The following PDXDC1 variants were observed in gnomAD, a reference collection of about 807,000 sequenced individuals.
PDXDC1 encodes pyridoxal-dependent decarboxylase domain-containing protein 1.
In PDXDC1, 42 loss-of-function variants were observed where a neutral mutation model predicts 100.1. That is an observed-to-expected ratio of 0.42 (90% CI 0.33 to 0.54). The LOEUF (loss-of-function observed/expected upper bound fraction) is 0.54. PDXDC1 is among the 20% of genes least tolerant of loss of function. PDXDC1 has a pLI of 0.10. For synonymous variants in PDXDC1, 260 were observed against 371.7 expected (o/e 0.70, Z 3.46); for missense variants, 636 against 979.2 (o/e 0.65, Z 4.68).
In PDXDC1 at chr16:15,031,919, C is replaced by G; in HGVS notation, c.1571+13C>G. 1 of 1,584,240 alleles carries G rather than the reference C, an allele frequency of 6.3e-7. No individual in the cohort carries two copies. The highest frequency in any genetic ancestry group is 1.1e-5 in the South Asian group (1 of 88,348). ...TAGGGGTTGTCAGGTAAAGTCTTGG[C>G]CTGCCGCTTGATGTTGGAGACTTTT... On this transcript the variant is annotated intron_variant, in intron 17 of 22. Transcript: ENST00000396410.
At chr16:15,146,108 C>G in the PDXDC1 span, among the ~76,000 whole-genome samples, 2 of 152,150 alleles carry the variant, frequency 1.3e-5, no homozygotes, top group African/African-American at 2.4e-5. Flanking sequence ...CAGCGGTGCC[C>G]GGCCACTGTC....
intron 16 of PDXDC1, chr16:15,094,078 C>G (rs938684894): frequency 7.2e-6 from 10 of 1,392,726 alleles, no homozygotes; most frequent in South Asian, 6.2e-5. Context: ...TCCTTTCAAT[C>G]CGCTCCTCTA....
intron 16 of PDXDC1, among the ~76,000 whole-genome samples, chr16:15,062,512 G>A (rs145212985): frequency 0.019 from 2,868 of 152,294 alleles, 37 homozygotes; most frequent in Middle Eastern, 0.031. Flanking sequence ...CTTTATTACT[G>A]GATTCTAACT....
chr16:15,070,060 C>A lies in PDXDC1; in HGVS notation c.1399+40004C>A, dbSNP rs576826972. 137 of 1,472,556 alleles carry A rather than the reference C, an allele frequency of 9.3e-5. No individual in the cohort carries two copies. In the African/African-American group the frequency reaches 1.2e-3, roughly 13 times the overall value. The allele number at this position is 1,472,556 out of a possible 1,614,324, so 91.2% of individuals were successfully genotyped here. On this transcript the variant is annotated intron_variant, in intron 16 of 16. Coordinates refer to the PDXDC1 transcript ENST00000535621. The stretch of plus-strand genomic sequence containing the variant: ...AGGAAAATCCAGTCCAGCACTCCCA[C>A]AACACTGACCTTCTTTCAGGTTTCC...
chr16:15,067,715 T>C (rs1239758460), intron 16 of PDXDC1, among the ~76,000 whole-genome samples: 2 of 152,056 alleles, frequency 1.3e-5, no homozygotes, highest in Non-Finnish European at 2.9e-5. Context: ...CATCAAAGTA[T>C]AAAAACAATA....
At chr16:15,038,418 T>C, downstream of PDXDC1, 1 of 624,380 alleles carries the variant, frequency 1.6e-6, no homozygotes, top group Non-Finnish European at 2.8e-6. Context: ...TATCCCCATT[T>C]GATATACAAG....
intron 12 of PDXDC1, among the ~76,000 whole-genome samples, chr16:15,021,828 T>C (rs562432290): frequency 6.6e-6 from 1 of 152,408 alleles, no homozygotes; most frequent in Admixed American, 6.5e-5. Flanking sequence ...CTCATCCTCC[T>C]CTTCCTTCTC....
downstream of PDXDC1, among the ~76,000 whole-genome samples, chr16:15,140,503 AAAGAG>A (rs970580171): frequency 6.6e-6 from 1 of 151,980 alleles, no homozygotes; most frequent in African/African-American, 2.4e-5. Flanking sequence ...GGGAGGAAAG[AAAGAG>A]AAAACTCCAA....
chr16:14,995,723 C>T (rs1289993731), intron 1 of PDXDC1, among the ~76,000 whole-genome samples: 4 of 152,290 alleles, frequency 2.6e-5, no homozygotes, highest in African/African-American at 9.6e-5. Context: ...ATGGTACCAG[C>T]TCCTCCTTTT....
At position 14,975,166 on chromosome 16, in the gene PDXDC1, C is replaced by A. The variant is rs767775030; in HGVS notation, c.-34C>A. On this transcript the variant is annotated 5_prime_UTR_variant, in exon 1 of 23. Transcript: ENST00000396410. Reference sequence around the variant, plus strand: ...GGGCGCGGGAGGAGGAAGTAGAGCCCGGGACCGCCAGGCCACCACCGGCCG... The same window carrying A: ...GGGCGCGGGAGGAGGAAGTAGAGCCAGGGACCGCCAGGCCACCACCGGCCG... The A allele has an allele frequency of 6.8e-7, 1 of 1,461,284 alleles. No individual in the cohort carries two copies. Among genetic ancestry groups the A allele is most frequent in the Admixed American group, 2.9e-5 (1 of 34,686 alleles). The allele number at this position is 1,461,284 out of a possible 1,614,324, so 90.5% of individuals were successfully genotyped here. A position where few individuals can be genotyped will look rare whatever the true frequency, so the allele number is the denominator to read the frequency against.
At chr16:15,002,306 C>T (rs2151371194) in intron 4 of PDXDC1, among the ~76,000 whole-genome samples, 1 of 152,416 alleles carries the variant, frequency 6.6e-6, no homozygotes, top group African/African-American at 2.4e-5. Context: ...CTACCTCTAT[C>T]TCCCTACCAT....
intron 5 of PDXDC1, 57 bp downstream of exon 5, chr16:15,004,390 G>T: frequency 6.2e-7 from 1 of 1,601,506 alleles, no homozygotes; most frequent in East Asian, 2.2e-5. Context: ...TAGACTGAAA[G>T]ATCTTTTTTC....
chr16:14,987,211 A>T lies in PDXDC1; in HGVS notation c.22-10542A>T, dbSNP rs988345276. On this transcript the variant is annotated intron_variant, in intron 1 of 22. Coordinates refer to ENST00000396410, the MANE Select transcript of PDXDC1 (RefSeq NM_015027.4). ...ACTTTCTTCCCAGGTGAAAACATTAATCAAGCAAGGATAATCTTTAAAATT... is the reference window on the plus strand; with the variant it reads ...ACTTTCTTCCCAGGTGAAAACATTATTCAAGCAAGGATAATCTTTAAAATT... 2.6e-5 allele frequency among the ~76,000 whole-genome samples: 4 copies of T among 152,282 alleles called. No individual in the cohort carries two copies. The East Asian group carries it at 7.7e-4, about 29-fold the overall frequency.
rs1186690693 is a variant in PDXDC1, at chr16:15,131,228, C to G, written c.1400-7651C>G. 4 of 1,591,586 alleles carry G rather than the reference C, an allele frequency of 2.5e-6. No individual in the cohort carries two copies. In the Admixed American group the frequency reaches 5.0e-5, roughly 20 times the overall value. On this transcript the variant is annotated intron_variant, in intron 16 of 16. Coordinates refer to the PDXDC1 transcript ENST00000535621. ...CTGCGGTGGCCCCGGGCAGCCCAGT[C>G]CGAGTTGTTGGGCACCTTCACGGTG...
At chr16:14,974,871 T>C (rs977275903), upstream of PDXDC1, 65 of 1,535,540 alleles carry the variant, frequency 4.2e-5, no homozygotes, top group African/African-American at 7.0e-4. Context: ...TACTTCTACC[T>C]TGATGATTGC....
chr16:15,086,000 T>C (rs2045903332), intron 16 of PDXDC1: 1 of 656,892 alleles, frequency 1.5e-6, no homozygotes, highest in South Asian at 2.0e-5. Flanking sequence ...GGGGAATATA[T>C]GTCTACCAGA....
intron 4 of PDXDC1, among the ~76,000 whole-genome samples, chr16:15,002,962 T>C (rs1426970607): frequency 6.6e-6 from 1 of 152,282 alleles, no homozygotes; most frequent in Non-Finnish European, 1.5e-5. Context: ...CCCATTTATA[T>C]TTCTAGGAAC....
At chr16:14,988,873 T>C in intron 1 of PDXDC1, 1 of 1,613,964 alleles carries the variant, frequency 6.2e-7, no homozygotes, top group Non-Finnish European at 8.5e-7. Context: ...AGGGTCAGCC[T>C]CCACAGGTCA....
intron 16 of PDXDC1, chr16:15,076,362 C>T: frequency 1.7e-6 from 1 of 604,970 alleles, no homozygotes; most frequent in South Asian, 2.1e-5. Context: ...AACCCAAATT[C>T]AAAGCCTTGG....
Sources: gnomAD v4.1 joint callset for allele counts (sites outside exome capture counted in the v4.1 genomes callset) on GRCh38, gnomAD v4.1.1 for gene constraint, MANE v1.5 for transcripts, NCBI Gene and HGNC (gene_info 2026-07-23, HGNC 2026-07-21) for gene names.